Variants in FER observed in about 807,000 individuals in gnomAD.
The protein encoded by FER is FER tyrosine kinase.
A neutral mutation model predicts 111.0 loss-of-function variants in FER; 63 were observed. That is an observed-to-expected ratio of 0.57 (90% CI 0.46 to 0.70). The LOEUF (loss-of-function observed/expected upper bound fraction) is 0.70. FER is among the 30% of genes least tolerant of loss of function. The pLI is 0.00. For synonymous variants in FER, 327 were observed against 313.9 expected (o/e 1.04, Z -0.44); for missense variants, 914 against 954.0 (o/e 0.96, Z 0.55).
chr5:109,122,389 C>G (rs1751094085), intron 17 of FER, among the ~76,000 whole-genome samples: 1 of 151,790 alleles, frequency 6.6e-6, no homozygotes, highest in Non-Finnish European at 1.5e-5. Context: ...CAAAATTCTT[C>G]TTGTTTTTGA....
At chr5:108,867,663 G>A in intron 5 of FER, 104 bp from the exon 6 acceptor site, 4 of 1,138,244 alleles carry the variant, frequency 3.5e-6, no homozygotes, top group Non-Finnish European at 5.0e-6. Context: ...TTTAAAAAAT[G>A]CGTGAAATAA....
chr5:108,929,482 A>G (rs10057273), intron 10 of FER, among the ~76,000 whole-genome samples: 249 of 152,226 alleles, frequency 1.6e-3, no homozygotes, highest in Non-Finnish European at 2.8e-3. Flanking sequence ...CCTTGGTTAT[A>G]TGGTTTATCT....
intron 5 of FER, among the ~76,000 whole-genome samples, chr5:108,853,119 A>G (rs541619664): frequency 1.1e-4 from 17 of 152,214 alleles, no homozygotes; most frequent in Non-Finnish European, 2.1e-4. Context: ...TGATATAAAT[A>G]TCAGAGGGTA....
At chr5:108,824,546 TA>T (rs1759239562) in intron 3 of FER, among the ~76,000 whole-genome samples, 1 of 152,188 alleles carries the variant, frequency 6.6e-6, no homozygotes, top group African/African-American at 2.4e-5. Flanking sequence ...TGTATCGTAT[TA>T]TTTTTGATGC....
At chr5:108,905,936 G>C (rs193156319) in intron 10 of FER, among the ~76,000 whole-genome samples, 3 of 152,236 alleles carry the variant, frequency 2.0e-5, no homozygotes, top group Non-Finnish European at 4.4e-5. Flanking sequence ...AAAAAATCTG[G>C]AGTAGTTACA....
intron 17 of FER, among the ~76,000 whole-genome samples, chr5:109,171,927 C>T (rs972121858): frequency 3.9e-5 from 6 of 152,154 alleles, no homozygotes; most frequent in African/African-American, 1.4e-4. Context: ...ATCAAAACCA[C>T]AGTGAGATAC....
chr5:108,983,833 T>A (rs1762262639), intron 13 of FER, among the ~76,000 whole-genome samples: 1 of 152,266 alleles, frequency 6.6e-6, no homozygotes, highest in African/African-American at 2.4e-5. Flanking sequence ...ATGCATAGAA[T>A]TATGAGACAT....
chr5:109,031,672 C>A (rs1231121726), intron 13 of FER, among the ~76,000 whole-genome samples: 1 of 152,154 alleles, frequency 6.6e-6, no homozygotes, highest in African/African-American at 2.4e-5. Context: ...CTTGTGTATT[C>A]ACTCTATCTA....
intron 13 of FER, among the ~76,000 whole-genome samples, chr5:109,009,424 C>T (rs1463848096): frequency 6.6e-6 from 1 of 152,072 alleles, no homozygotes; most frequent in Non-Finnish European, 1.5e-5. Context: ...TTCTCATCAG[C>T]GACCTATTAG....
At position 108,781,082 on chromosome 5, in the gene FER, C is replaced by T. The variant is rs185616912; in HGVS notation, c.-60+12844C>T. ...TGCAGTCTATTTTATCCATTAGAAC[C>T]CTTAGCATATTAATCATAGTTGTTT... On this transcript the variant is annotated intron_variant, in intron 2 of 19. Transcript: ENST00000281092. 3.4e-3 allele frequency among the ~76,000 whole-genome samples: 513 copies of T among 152,220 alleles called. 2 individuals are homozygous for T. The highest frequency in any genetic ancestry group is 0.012 in the African/African-American group (489 of 41,518).
chr5:109,160,690 C>A (rs1334994727), intron 17 of FER, among the ~76,000 whole-genome samples: 1 of 152,076 alleles, frequency 6.6e-6, no homozygotes. Context: ...TTTGGCAGCC[C>A]TTGAGAAGCA....
chr5:108,829,685 G>A (rs937293859), intron 3 of FER, among the ~76,000 whole-genome samples: 3 of 151,900 alleles, frequency 2.0e-5, no homozygotes, highest in African/African-American at 7.3e-5. Flanking sequence ...TTTAATTCAT[G>A]GTTTTATTCT....
chr5:109,171,404 G>C (rs780888481), intron 17 of FER, among the ~76,000 whole-genome samples: 1 of 152,126 alleles, frequency 6.6e-6, no homozygotes, highest in Non-Finnish European at 1.5e-5. Context: ...ACTGCTTATG[G>C]AAAAAATCTG....
intron 1 of FER, among the ~76,000 whole-genome samples, chr5:108,761,221 C>A (rs1164043438): frequency 6.6e-6 from 1 of 152,160 alleles, no homozygotes; most frequent in African/African-American, 2.4e-5. Context: ...AGCCACTGCA[C>A]CTGGCCTATT....
intron 16 of FER, among the ~76,000 whole-genome samples, chr5:109,054,167 G>T (rs745395080): frequency 1.3e-5 from 2 of 152,082 alleles, no homozygotes; most frequent in African/African-American, 2.4e-5. Context: ...GGAATGAATC[G>T]ATCATCTGGC....
chr5:108,793,797 T>G (rs1238032037), intron 2 of FER, among the ~76,000 whole-genome samples: 1 of 52,704 alleles, frequency 1.9e-5, no homozygotes, highest in African/African-American at 2.4e-4. Context: ...CATTGTATGT[T>G]TTTTTGATTT....
chr5:109,082,854 C>G (rs146817160), intron 16 of FER, among the ~76,000 whole-genome samples: 144 of 152,042 alleles, frequency 9.5e-4, no homozygotes, highest in African/African-American at 3.2e-3. Flanking sequence ...GATGAGAAAT[C>G]ATCTTTTTAT....
chr5:108,846,921 T>G (rs908320528), intron 5 of FER, among the ~76,000 whole-genome samples: 1 of 152,160 alleles, frequency 6.6e-6, no homozygotes, highest in African/African-American at 2.4e-5. Flanking sequence ...TCATTGTGAC[T>G]AGAGGTTTAT....
intron 16 of FER, among the ~76,000 whole-genome samples, chr5:109,079,188 A>G (rs1180537490): frequency 6.6e-6 from 1 of 152,176 alleles, no homozygotes; most frequent in East Asian, 1.9e-4. Context: ...ATTAGTTGAA[A>G]AGAAAAACCC....
Sources: allele counts gnomAD v4.1 joint callset (sites outside exome capture counted in the v4.1 genomes callset), GRCh38; gene constraint gnomAD v4.1.1; transcripts MANE v1.5; gene names NCBI Gene and HGNC (gene_info 2026-07-23, HGNC 2026-07-21).